The following TOX variants were observed in gnomAD, a reference collection of about 807,000 sequenced individuals.
TOX encodes thymocyte selection associated high mobility group box, also known as thymocyte selection-associated high mobility group box protein TOX.
A neutral mutation model predicts 53.7 loss-of-function variants in TOX; 11 were observed. The observed-to-expected ratio is 0.20, with a 90% confidence interval of 0.13 to 0.34. TOX has a LOEUF of 0.34. Ranked by LOEUF, TOX falls within the 10% of genes least tolerant of loss-of-function variation. The probability of loss-of-function intolerance (pLI) is 1.00; values close to 1 mark genes in which losing one functional copy is unlikely to be tolerated. For missense variants in TOX, 570 were observed against 664.6 expected, an observed-to-expected ratio of 0.86 and a Z score of 1.56; for synonymous variants, 225 against 245.3, an observed-to-expected ratio of 0.92 and a Z score of 0.77.
rs917091701 is a variant in TOX at position 59,080,550 on chromosome 8, T to C, written c.102+38336A>G. ...GATTTGGGAAAGTCCTAGAGCAGAA[T>C]GATGTAGTTTGAATATTTGTCCTCA... On this transcript the variant is annotated intron_variant, in intron 1 of 8. Coordinates refer to ENST00000361421, the MANE Select transcript of TOX (RefSeq NM_014729.3). Among the ~76,000 whole-genome samples the C allele has an allele frequency of 3.3e-5, 5 of 152,162 alleles. No individual in the cohort carries two copies. The East Asian group carries it at 9.6e-4, about 29-fold the overall frequency.
intron 3 of TOX, among the ~76,000 whole-genome samples, chr8:58,908,035 G>A (rs1321964905): frequency 1.3e-5 from 2 of 152,052 alleles, no homozygotes; most frequent in African/African-American, 2.4e-5. Context: ...TCAACCCTTC[G>A]CCTTGGTATG....
chr8:58,998,568 A>AATTTATATATATAAATTTAT (rs1554537374), intron 1 of TOX, among the ~76,000 whole-genome samples: 3 of 87,086 alleles, frequency 3.4e-5, no homozygotes, highest in African/African-American at 1.5e-4. Context: ...TTATGTAATA[A>AATTTATATATATAAATTTAT]ATGTATATAT....
intron 1 of TOX, among the ~76,000 whole-genome samples, chr8:59,054,241 C>G (rs921454355): frequency 6.6e-6 from 1 of 152,132 alleles, no homozygotes; most frequent in African/African-American, 2.4e-5. Flanking sequence ...CTATTATAAA[C>G]AGTTCATGAA....
At chr8:58,985,154 TC>T (rs1222296980) in intron 1 of TOX, among the ~76,000 whole-genome samples, 1 of 150,348 alleles carries the variant, frequency 6.7e-6, no homozygotes, top group African/African-American at 2.4e-5. Flanking sequence ...TATATCTATA[TC>T]TTCTATCTAT....
rs537460961 is a variant in TOX at position 59,096,159 on chromosome 8, T to C, written c.102+22727A>G. The stretch of plus-strand genomic sequence containing the variant: ...CTAAAAGTATAAATGGAAATGATAA[T>C]GTCTCTTTTACACTTTTATTATCAC... On this transcript the variant is annotated intron_variant, in intron 1 of 8. Coordinates refer to ENST00000361421, the MANE Select transcript of TOX (RefSeq NM_014729.3). 2.0e-5 allele frequency among the ~76,000 whole-genome samples: 3 copies of C among 152,372 alleles called. No homozygotes were observed. The South Asian group carries it at 6.2e-4, about 32-fold the overall frequency.
intron 7 of TOX, among the ~76,000 whole-genome samples, chr8:58,812,482 C>T (rs558326497): frequency 6.6e-6 from 1 of 152,238 alleles, no homozygotes; most frequent in African/African-American, 2.4e-5. Context: ...TCCTCCACAC[C>T]CTTCCCACTT....
chr8:58,959,807 G>T (rs147524478), intron 2 of TOX, 136 bp downstream of exon 2: 2 of 996,022 alleles, frequency 2.0e-6, no homozygotes, highest in African/African-American at 1.6e-5. Context: ...TGGAAACAAG[G>T]CTTAAATGCT....
intron 4 of TOX, among the ~76,000 whole-genome samples, chr8:58,845,876 T>G (rs886146584): frequency 1.3e-5 from 2 of 152,088 alleles, no homozygotes; most frequent in African/African-American, 4.8e-5. Context: ...AATTTATCAA[T>G]TTTAGGAGAT....
intron 4 of TOX, among the ~76,000 whole-genome samples, chr8:58,845,998 C>T (rs374886701): frequency 3.6e-3 from 541 of 152,106 alleles, no homozygotes; most frequent in Non-Finnish European, 6.9e-3. Flanking sequence ...GAGGTGGGGA[C>T]CCGCTGAATA....
chr8:58,846,805 G>C (rs1163679033), intron 4 of TOX, among the ~76,000 whole-genome samples: 2 of 152,094 alleles, frequency 1.3e-5, no homozygotes, highest in African/African-American at 4.8e-5. Context: ...CTTACCAAAA[G>C]CAAGATGTGT....
chr8:59,094,005 G>A (rs10106117), intron 1 of TOX, among the ~76,000 whole-genome samples: 3,020 of 151,888 alleles, frequency 0.02, 102 homozygotes, highest in African/African-American at 0.068. Flanking sequence ...AGCAAACTAA[G>A]GACTTTCAAT....
intron 3 of TOX, among the ~76,000 whole-genome samples, chr8:58,889,373 A>G (rs1448542): frequency 0.17 from 25,478 of 151,962 alleles, 2,807 homozygotes; most frequent in Non-Finnish European, 0.23. Flanking sequence ...GAGAGAAAAG[A>G]AAGGAGCGGA....
intron 5 of TOX, among the ~76,000 whole-genome samples, chr8:58,834,220 G>C (rs540434042): frequency 9.9e-5 from 15 of 152,078 alleles, no homozygotes; most frequent in Non-Finnish European, 1.8e-4. Flanking sequence ...ATTTTTCCCA[G>C]TTTGTGTTTA....
At chr8:58,903,202 CTGGTGG>C (rs975812468) in intron 3 of TOX, among the ~76,000 whole-genome samples, 2 of 152,166 alleles carry the variant, frequency 1.3e-5, no homozygotes, top group Non-Finnish European at 2.9e-5. Flanking sequence ...TTTGTAAGAA[CTGGTGG>C]TGTTGAACAC....
chr8:58,987,265 G>A (rs768497368), intron 1 of TOX, among the ~76,000 whole-genome samples: 2 of 152,190 alleles, frequency 1.3e-5, no homozygotes, highest in Non-Finnish European at 2.9e-5. Flanking sequence ...TGGAGTAACA[G>A]AATGCCAATT....
At chr8:59,036,268 C>G (rs1814456719) in intron 1 of TOX, among the ~76,000 whole-genome samples, 1 of 152,080 alleles carries the variant, frequency 6.6e-6, no homozygotes, top group African/African-American at 2.4e-5. Flanking sequence ...GAAGGAAATG[C>G]AGTATCTAAA....
intron 3 of TOX, among the ~76,000 whole-genome samples, chr8:58,869,224 T>C (rs1254780438): frequency 2.3e-5 from 1 of 42,918 alleles, no homozygotes; most frequent in Non-Finnish European, 4.6e-5. Context: ...AGACTGCGTC[T>C]CAAAAAAAAA....
At chr8:59,060,262 GACTT>G (rs1406687556) in intron 1 of TOX, among the ~76,000 whole-genome samples, 1 of 152,138 alleles carries the variant, frequency 6.6e-6, no homozygotes, top group African/African-American at 2.4e-5. Context: ...TACCTCAACA[GACTT>G]ACTTATCGCA....
chr8:59,112,548 T>C (rs1304803835), intron 1 of TOX, among the ~76,000 whole-genome samples: 1 of 152,186 alleles, frequency 6.6e-6, no homozygotes, highest in Non-Finnish European at 1.5e-5. Flanking sequence ...GACCAGCCTA[T>C]CTAGTTCTGA....
Sources: allele counts gnomAD v4.1 joint callset (sites outside exome capture counted in the v4.1 genomes callset), GRCh38; gene constraint gnomAD v4.1.1; transcripts MANE v1.5; gene names NCBI Gene and HGNC (gene_info 2026-07-23, HGNC 2026-07-21).